SEPSECS: variants seen among roughly 807,000 people sequenced by gnomAD.
The protein encoded by SEPSECS is Sep (O-phosphoserine) tRNA:Sec (selenocysteine) tRNA synthase, also known as O-phosphoseryl-tRNA(Sec) selenium transferase.
A neutral mutation model predicts 52.1 loss-of-function variants in SEPSECS; 42 were observed. That is an observed-to-expected ratio of 0.81 (90% CI 0.63 to 1.04). The LOEUF is 1.04. SEPSECS is among the 50% of genes least tolerant of loss of function. The pLI, the probability that SEPSECS is intolerant of heterozygous loss-of-function variation, is 0.00. For missense variants in SEPSECS, 590 were observed against 610.6 expected (o/e 0.97, Z 0.36); for synonymous variants, 216 against 211.4 (o/e 1.02, Z -0.19).
Position 25,120,341 on chromosome 4 carries a change from C to T in SEPSECS, c.*3590G>A, listed in dbSNP as rs1234896422. On this transcript the variant is annotated 3_prime_UTR_variant, in exon 11 of 11. Coordinates refer to ENST00000382103, the MANE Select transcript of SEPSECS (RefSeq NM_016955.4). ...TATTCATTAGCCTTAAACTTACCAT[C>T]TTACATGCGCACATACCAAAAGGGC... 2.6e-5 allele frequency: 4 copies of T among 152,144 alleles called. No homozygotes were observed. Among genetic ancestry groups the T allele is most frequent in the Non-Finnish European group, 5.9e-5 (4 of 68,002 alleles). 9.4% of individuals were successfully genotyped at this position (152,144 alleles called of 1,614,324 possible).
intron 8 of SEPSECS, among the ~76,000 whole-genome samples, chr4:25,143,303 C>T (rs1711718541): frequency 1.3e-5 from 2 of 152,190 alleles, no homozygotes; most frequent in African/African-American, 2.4e-5. Context: ...ACCACTACCA[C>T]TATCAAGACA....
chr4:25,158,120 ACTT>A (rs752594054), intron 2 of SEPSECS, among the ~76,000 whole-genome samples: 35 of 152,352 alleles, frequency 2.3e-4, no homozygotes, highest in Non-Finnish European at 2.6e-4. Flanking sequence ...CTAGTGCTGT[ACTT>A]CCTCACCACT....
chr4:25,146,458 T>C (rs1711969205), intron 6 of SEPSECS, among the ~76,000 whole-genome samples: 1 of 123,720 alleles, frequency 8.1e-6, no homozygotes, highest in South Asian at 3.0e-4. Flanking sequence ...GAGAGATGCA[T>C]ATAAGACTAA....
In SEPSECS at chr4:25,131,893, C is replaced by T. The variant is rs181016076; in HGVS notation, c.1027-4536G>A. 1.5e-3 allele frequency among the ~76,000 whole-genome samples: 232 copies of T among 152,326 alleles called. 1 individual carries two copies. The highest frequency in any genetic ancestry group is 4.7e-3 in the African/African-American group (195 of 41,570). On this transcript the variant is annotated intron_variant, in intron 8 of 10. Coordinates refer to ENST00000382103, the MANE Select transcript of SEPSECS (RefSeq NM_016955.4). ...GAAAGCTAAACAGAATAATGATCTT[C>T]TCCAGAAGCAAAACAGAAGTGAGGA...
chr4:25,159,214 T>G, intron 1 of SEPSECS, 107 bp from the exon 2 acceptor site: 1 of 973,422 alleles, frequency 1.0e-6, no homozygotes. Context: ...CCACGCTGCT[T>G]GTTTTCTAAA....
chr4:25,133,120 T>C (rs1438356166), intron 8 of SEPSECS, among the ~76,000 whole-genome samples: 2 of 152,156 alleles, frequency 1.3e-5, no homozygotes, highest in Middle Eastern at 3.4e-3. Flanking sequence ...CACCTATTTT[T>C]CCCCTAGCCT....
chr4:25,158,369 T>C (rs1712816674), intron 2 of SEPSECS, among the ~76,000 whole-genome samples: 1 of 152,208 alleles, frequency 6.6e-6, no homozygotes, highest in African/African-American at 2.4e-5. Flanking sequence ...GACAGAGCAA[T>C]GAGTGATCAT....
intron 9 of SEPSECS, among the ~76,000 whole-genome samples, chr4:25,126,114 A>C (rs1002454523): frequency 6.6e-6 from 1 of 152,162 alleles, no homozygotes; most frequent in Non-Finnish European, 1.5e-5. Context: ...TAAAGTGAGG[A>C]TGTGGGACAT....
At chr4:25,129,268 A>C (rs1728513861) in intron 8 of SEPSECS, among the ~76,000 whole-genome samples, 1 of 152,112 alleles carries the variant, frequency 6.6e-6, no homozygotes, top group African/African-American at 2.4e-5. Context: ...GAAATATTTA[A>C]GGAGACAAAT....
At chr4:25,124,793 G>A (rs560127203) in intron 10 of SEPSECS, among the ~76,000 whole-genome samples, 1 of 152,066 alleles carries the variant, frequency 6.6e-6, no homozygotes, top group East Asian at 1.9e-4. Flanking sequence ...ATAGTGGGGT[G>A]GTAGTCAGCA....
At chr4:25,143,095 A>G (rs1235055387) in intron 8 of SEPSECS, among the ~76,000 whole-genome samples, 3 of 152,222 alleles carry the variant, frequency 2.0e-5, no homozygotes, top group Admixed American at 2.0e-4. Flanking sequence ...GATTTGCCAC[A>G]GTCTTCTCTT....
intron 5 of SEPSECS, among the ~76,000 whole-genome samples, chr4:25,152,828 A>G (rs571051965): frequency 6.6e-6 from 1 of 151,986 alleles, no homozygotes; most frequent in African/African-American, 2.4e-5. Flanking sequence ...TCATGCTATG[A>G]AACTAAAACT....
intron 8 of SEPSECS, among the ~76,000 whole-genome samples, chr4:25,135,723 T>G (rs991610333): frequency 6.6e-6 from 1 of 151,976 alleles, no homozygotes; most frequent in Non-Finnish European, 1.5e-5. Context: ...CATCCTGATA[T>G]CAAAACCTGG....
intron 8 of SEPSECS, among the ~76,000 whole-genome samples, chr4:25,141,231 T>C (rs1711527596): frequency 6.6e-6 from 1 of 152,192 alleles, no homozygotes; most frequent in South Asian, 2.1e-4. Flanking sequence ...TGCTTGTTGC[T>C]TTTCTCAGAC....
intron 8 of SEPSECS, among the ~76,000 whole-genome samples, chr4:25,134,303 A>T (rs1007088091): frequency 1.2e-4 from 17 of 143,634 alleles, no homozygotes; most frequent in African/African-American, 4.2e-4. Context: ...GCATAGCAAG[A>T]CCCCATATCT....
Position 25,124,166 on chromosome 4 carries a change from G to A in SEPSECS, c.1271C>T (p.Ser424Leu), listed in dbSNP as rs797045951. 1 of 1,613,582 alleles carries A rather than the reference G, an allele frequency of 6.2e-7. No homozygotes were observed. Among genetic ancestry groups the A allele is most frequent in the Non-Finnish European group, 8.5e-7 (1 of 1,179,720 alleles). ...AGCACAAGGGTAATTATTTGTATGT[G>A]ACATAAAGCCTCTGAAAGTATAGCC... is the stretch of plus-strand genomic sequence containing the variant. Reference protein sequence around the residue: ...VSGYTFRGFMSHTNNYPCAYL... With the variant: ...VSGYTFRGFMLHTNNYPCAYL... Residue 424 changes from serine to leucine, a missense_variant, in exon 11 of 11, where the codon TCA (serine) becomes TTA (leucine). By Grantham distance (145) the Ser-to-Leu change is moderately radical (BLOSUM62 -2). Coordinates refer to ENST00000382103, the MANE Select transcript of SEPSECS (RefSeq NM_016955.4).
intron 8 of SEPSECS, among the ~76,000 whole-genome samples, chr4:25,138,431 G>A (rs1032752418): frequency 6.6e-6 from 1 of 151,236 alleles, no homozygotes; most frequent in African/African-American, 2.4e-5. Flanking sequence ...ACCAGCCTAG[G>A]CAACATAGCA....
intron 8 of SEPSECS, 134 bp from the exon 9 acceptor site, chr4:25,127,491 T>G: frequency 1.5e-6 from 1 of 684,584 alleles, no homozygotes; most frequent in Non-Finnish European, 2.6e-6. Flanking sequence ...ATTCTCTCCT[T>G]TGCCACAATA....
intron 1 of SEPSECS, 121 bp downstream of exon 1, chr4:25,160,135 C>G (rs1326615989): frequency 1.3e-6 from 2 of 1,488,496 alleles, no homozygotes; most frequent in East Asian, 5.0e-5. Context: ...CAAGCTGAGA[C>G]AGACTTGGGA....
Sources: gnomAD v4.1 joint callset for allele counts (sites outside exome capture counted in the v4.1 genomes callset) on GRCh38, gnomAD v4.1.1 for gene constraint, MANE v1.5 for transcripts, NCBI Gene and HGNC (gene_info 2026-07-23, HGNC 2026-07-21) for gene names.